ANKRD17: variants seen among roughly 807,000 people sequenced by gnomAD.
ANKRD17 encodes ankyrin repeat domain 17.
A neutral mutation model predicts 229.7 loss-of-function variants in ANKRD17; 19 were observed. The observed-to-expected ratio is 0.08, with a 90% CI of 0.06 to 0.12. The LOEUF (loss-of-function observed/expected upper bound fraction) is 0.12, where lower values mean the gene tolerates loss of function less well. ANKRD17 is among the 10% of genes least tolerant of loss of function. The pLI is 1.00. For missense variants in ANKRD17, 2,176 were observed against 3,176.8 expected (o/e 0.68, Z 7.57); for synonymous variants, 1,112 against 1,146.1 (o/e 0.97, Z 0.60).
intron 2 of ANKRD17, among the ~76,000 whole-genome samples, 165 bp from the exon 3 acceptor site, chr4:73,161,513 A>T (rs1030653281): frequency 4.6e-5 from 7 of 152,230 alleles, no homozygotes; most frequent in Admixed American, 2.0e-4. Context: ...ACTCTTCTCC[A>T]GTTTTCTAAT....
intron 1 of ANKRD17, among the ~76,000 whole-genome samples, chr4:73,191,697 C>T (rs1056865566): frequency 2.0e-5 from 3 of 151,592 alleles, no homozygotes; most frequent in Admixed American, 2.0e-4. Flanking sequence ...CCACAATGGG[C>T]AAAATATTAC....
At chr4:73,154,730 G>A (rs1453753281) in intron 5 of ANKRD17, among the ~76,000 whole-genome samples, 1 of 152,068 alleles carries the variant, frequency 6.6e-6, no homozygotes, top group African/African-American at 2.4e-5. Flanking sequence ...CTTCAAATCA[G>A]AACATGACCT....
chr4:73,187,359 T>G (rs886213731), intron 1 of ANKRD17, among the ~76,000 whole-genome samples: 2 of 152,186 alleles, frequency 1.3e-5, no homozygotes, highest in South Asian at 2.1e-4. Flanking sequence ...ATACAACGTA[T>G]TTTTAATATC....
intron 1 of ANKRD17, among the ~76,000 whole-genome samples, chr4:73,226,061 C>T (rs1303756370): frequency 1.3e-5 from 2 of 148,306 alleles, no homozygotes; most frequent in East Asian, 2.1e-4. Flanking sequence ...CAGCAACCTC[C>T]GTCTCCCAGG....
chr4:73,189,539 G>A (rs540752252), intron 1 of ANKRD17, among the ~76,000 whole-genome samples: 1 of 151,296 alleles, frequency 6.6e-6, no homozygotes, highest in South Asian at 2.1e-4. Context: ...TGGGACTACA[G>A]GCGGTCACCA....
chr4:73,142,232 A>G lies in ANKRD17; in HGVS notation c.2229+10T>C. ...CATACCATAAAATGCTTTAATTTTT[A>G]AAATCTTACCCTATTTAAATCGTGG... On this transcript the variant is annotated intron_variant, in intron 13 of 33. Coordinates refer to ENST00000358602, the MANE Select transcript of ANKRD17 (RefSeq NM_032217.5). 2 of 1,529,756 alleles carry G rather than the reference A, an allele frequency of 1.3e-6. No individual in the cohort carries two copies. The highest frequency in any genetic ancestry group is 1.7e-6 in the Non-Finnish European group (2 of 1,148,306). The allele number at this position is 1,529,756 out of a possible 1,614,324, so 94.8% of individuals were successfully genotyped here. A position where few individuals can be genotyped will look rare whatever the true frequency, so the allele number is the denominator to read the frequency against.
chr4:73,170,467 G>A (rs1240349858), intron 2 of ANKRD17, among the ~76,000 whole-genome samples: 4 of 150,724 alleles, frequency 2.7e-5, no homozygotes, highest in African/African-American at 9.8e-5. Flanking sequence ...ATTCTGAGAT[G>A]TGCTGGCTTC....
rs754230384 is a variant in ANKRD17, at chr4:73,092,142, T to G, written c.5486A>C (p.Asn1829Thr). The part of the protein sequence containing the change: ...GSSAPTTTAA[N>T]TSLMGIKMTT... ...CATTTTAATTCCCATTAAGGAAGTG[T>G]TAGCAGCAGTGGTGGTAGGTGCTGA... The change falls in exon 29 of 34, where the codon AAC (asparagine) becomes ACC (threonine). Residue 1829 changes from asparagine to threonine, a missense_variant. Physicochemically the swap from Asn to Thr is moderately conservative, Grantham distance 65. Coordinates refer to ENST00000358602, the MANE Select transcript of ANKRD17 (RefSeq NM_032217.5). 2 of 1,614,076 alleles carry G rather than the reference T, an allele frequency of 1.2e-6. No individual in the cohort carries two copies. The highest frequency in any genetic ancestry group is 1.7e-6 in the Non-Finnish European group (2 of 1,180,030).
At chr4:73,173,458 T>G (rs1368812494) in intron 2 of ANKRD17, among the ~76,000 whole-genome samples, 3 of 152,168 alleles carry the variant, frequency 2.0e-5, no homozygotes, top group Non-Finnish European at 2.9e-5. Context: ...GAGACAGGGC[T>G]AATGTGCAGC....
At chr4:73,093,536 C>T (rs1233190385) in intron 28 of ANKRD17, among the ~76,000 whole-genome samples, 3 of 152,038 alleles carry the variant, frequency 2.0e-5, no homozygotes, top group Admixed American at 6.6e-5. Flanking sequence ...CACCACTATG[C>T]CCGGCTAATT....
chr4:73,118,604 A>T, intron 22 of ANKRD17, 84 bp downstream of exon 22: 1 of 1,472,408 alleles, frequency 6.8e-7, no homozygotes, highest in South Asian at 1.3e-5. Flanking sequence ...AAAGCACAAA[A>T]TGAGTCTTTA....
In ANKRD17 at chr4:73,225,040, T is replaced by C. The variant is rs147095882; in HGVS notation, c.393+33236A>G. Among the ~76,000 whole-genome samples the C allele has an allele frequency of 3.9e-3, 591 of 152,304 alleles. 1 individual carries two copies. The highest frequency in any genetic ancestry group is 6.8e-3 in the Middle Eastern group (2 of 294). ...GTTTTACCTCATACCATACCTAGTG[T>C]TTACATTTAGGTATGGGTATGCCTG... On this transcript the variant is annotated intron_variant, in intron 1 of 33. Transcript: ENST00000358602.
intron 1 of ANKRD17, among the ~76,000 whole-genome samples, chr4:73,182,245 G>C (rs2149021975): frequency 6.6e-6 from 1 of 151,996 alleles, no homozygotes; most frequent in African/African-American, 2.4e-5. Flanking sequence ...TTTTTTAAAA[G>C]TTGTATTTAA....
chr4:73,258,133 G>A (rs1402162426), intron 1 of ANKRD17, 143 bp downstream of exon 1: 3 of 1,422,150 alleles, frequency 2.1e-6, no homozygotes, highest in East Asian at 2.4e-5. Flanking sequence ...GATTTAGGCC[G>A]AGGGAAGAAA....
chr4:73,194,138 GTTATT>G (rs1372265142), intron 1 of ANKRD17, among the ~76,000 whole-genome samples: 1 of 152,100 alleles, frequency 6.6e-6, no homozygotes, highest in African/African-American at 2.4e-5. Context: ...ATTATCGGGG[GTTATT>G]TTATGTTTGT....
chr4:73,162,026 C>A (rs1732594864), intron 2 of ANKRD17, among the ~76,000 whole-genome samples: 1 of 151,620 alleles, frequency 6.6e-6, no homozygotes, highest in African/African-American at 2.4e-5. Flanking sequence ...TAGGCTCACA[C>A]CACCACACTA....
intron 16 of ANKRD17, among the ~76,000 whole-genome samples, chr4:73,133,455 ATCTCGGCTCACTGCAACCT>A (rs1728499355): frequency 7.2e-6 from 1 of 138,840 alleles, no homozygotes; most frequent in Non-Finnish European, 1.5e-5. Context: ...CAGTGGCATG[ATCTCGGCTCACTGCAACCT>A]CCATCTCCCG....
chr4:73,188,199 A>T (rs1232362198), intron 1 of ANKRD17, among the ~76,000 whole-genome samples: 1 of 152,146 alleles, frequency 6.6e-6, no homozygotes, highest in African/African-American at 2.4e-5. Context: ...AAAGGAAAAA[A>T]AAAGCCTACT....
intron 2 of ANKRD17, among the ~76,000 whole-genome samples, chr4:73,173,730 A>G (rs1042247848): frequency 1.3e-5 from 2 of 152,176 alleles, no homozygotes; most frequent in African/African-American, 2.4e-5. Context: ...AACCTCACCT[A>G]TAACAAAAAT....
Sources: gnomAD v4.1 joint callset for allele counts (sites outside exome capture counted in the v4.1 genomes callset) on GRCh38, gnomAD v4.1.1 for gene constraint, MANE v1.5 for transcripts, NCBI Gene and HGNC (gene_info 2026-07-23, HGNC 2026-07-21) for gene names.